ATXN1: variants seen among roughly 807,000 people sequenced by gnomAD.
The protein encoded by ATXN1 is ataxin 1.
ATXN1 carries 8 observed loss-of-function variants against 56.4 expected under a neutral mutation model. The ratio of observed to expected loss-of-function variants is 0.14; its 90% CI spans 0.08 to 0.26. ATXN1 has a LOEUF of 0.26. ATXN1 is among the 10% of genes least tolerant of loss of function. The pLI is 1.00. For missense variants in ATXN1, 987 were observed against 1,106.5 expected, an observed-to-expected ratio of 0.89 and a Z score of 1.53; for synonymous variants, 514 against 494.6, an observed-to-expected ratio of 1.04 and a Z score of -0.52.
chr6:16,610,566 C>G (rs1763086416), intron 3 of ATXN1, among the ~76,000 whole-genome samples: 1 of 151,944 alleles, frequency 6.6e-6, no homozygotes, highest in Non-Finnish European at 1.5e-5. Context: ...AACTTTCCTA[C>G]TAAGGTATGA....
chr6:16,675,190 G>A (rs1406049117), intron 2 of ATXN1, among the ~76,000 whole-genome samples: 2 of 152,130 alleles, frequency 1.3e-5, no homozygotes, highest in South Asian at 4.1e-4. Flanking sequence ...ACACACCCCT[G>A]GCAACTGAAA....
intron 7 of ATXN1, among the ~76,000 whole-genome samples, chr6:16,308,245 G>C (rs1303227531): frequency 1.3e-5 from 2 of 151,928 alleles, no homozygotes; most frequent in African/African-American, 4.8e-5. Flanking sequence ...AGAATCGCTT[G>C]AACCCGGGAG....
intron 6 of ATXN1, among the ~76,000 whole-genome samples, chr6:16,437,944 T>C (rs558117607): frequency 1.3e-4 from 20 of 152,312 alleles, no homozygotes; most frequent in African/African-American, 3.9e-4. Context: ...AGCAGCATCA[T>C]GCAATAGAAA....
chr6:16,734,854 G>A (rs1760076456), intron 2 of ATXN1, among the ~76,000 whole-genome samples: 1 of 152,132 alleles, frequency 6.6e-6, no homozygotes, highest in African/African-American at 2.4e-5. Flanking sequence ...GGAAGAATGT[G>A]ACAAGATTGG....
At chr6:16,323,809 T>C (rs752799379) in intron 7 of ATXN1, among the ~76,000 whole-genome samples, 72 of 152,230 alleles carry the variant, frequency 4.7e-4, no homozygotes, top group Non-Finnish European at 1.5e-4. Flanking sequence ...GAGTCAACTT[T>C]GCTCAAGGTA....
chr6:16,741,599 G>A (rs145516319), intron 2 of ATXN1, among the ~76,000 whole-genome samples: 445 of 152,308 alleles, frequency 2.9e-3, no homozygotes, highest in African/African-American at 0.01. Context: ...CAGCAGGACA[G>A]CCAACAGCTG....
intron 5 of ATXN1, among the ~76,000 whole-genome samples, chr6:16,492,351 C>A (rs1003158518): frequency 3.3e-5 from 5 of 151,754 alleles, no homozygotes; most frequent in African/African-American, 1.2e-4. Flanking sequence ...GTGCAGCACA[C>A]CAGCATGGCA....
At chr6:16,322,704 A>G (rs1006283280) in intron 7 of ATXN1, among the ~76,000 whole-genome samples, 2 of 152,166 alleles carry the variant, frequency 1.3e-5, no homozygotes, top group African/African-American at 4.8e-5. Context: ...TGGAACCTCA[A>G]TTAAGTCCAG....
intron 6 of ATXN1, among the ~76,000 whole-genome samples, chr6:16,429,356 T>G (rs1421128090): frequency 7.4e-6 from 1 of 136,048 alleles, no homozygotes; most frequent in Non-Finnish European, 1.6e-5. Flanking sequence ...GATAACAGGA[T>G]GTTTGGAGTC....
rs769091061 is a variant in ATXN1, at chr6:16,327,633, G to GTGGTGCTGC, written c.677_678insGCAGCACCA (p.Gln225_His226insGlnGlnHis). 2.3e-4 allele frequency: 336 copies of GTGGTGCTGC among 1,451,684 alleles called. No homozygotes were observed. The African/African-American group carries it at 3.9e-3, about 17-fold the overall frequency. The allele number at this position is 1,451,684 out of a possible 1,614,324, so 89.9% of individuals were successfully genotyped here. On this transcript the variant is annotated inframe_insertion, in exon 7 of 8. Coordinates refer to ENST00000436367, the MANE Select transcript of ATXN1 (RefSeq NM_001128164.2). Reference sequence around the variant, plus strand: ...TGATGAGCCCCGGAGCCCTGCTGAGGTGCTGCTGCTGCTGCTGCTGCTGCT... The same window carrying GTGGTGCTGC: ...TGATGAGCCCCGGAGCCCTGCTGAGGTGGTGCTGCTGCTGCTGCTGCTGCTGCTGCTGCT...
At position 16,696,538 on chromosome 6, in the gene ATXN1, T is replaced by C. The variant is rs941041018; in HGVS notation, c.-614-38637A>G. On this transcript the variant is annotated intron_variant, in intron 2 of 7. Transcript: ENST00000436367. ...CCCTTTCTAACAATGTCAGCATTAA[T>C]GCATTTAAATAATATTCTGAGTAAA... is the stretch of plus-strand genomic sequence containing the variant. Among the ~76,000 whole-genome samples, 6 of 152,196 alleles carry C rather than the reference T, an allele frequency of 3.9e-5. No homozygotes were observed. In the East Asian group the frequency reaches 7.7e-4, roughly 20 times the overall value.
rs1561764485 is a variant in ATXN1 at position 16,579,487 on chromosome 6, C to CG, written c.-361+6292_-361+6293insC. On this transcript the variant is annotated intron_variant, in intron 4 of 7. Coordinates refer to ENST00000436367, the MANE Select transcript of ATXN1 (RefSeq NM_001128164.2). ...CTGAGTACCTTGGTCAAAGCCCCCC[C>CG]CCCCCACCCGCCGATTCATTCCCAA... is the stretch of plus-strand genomic sequence containing the variant. 8.3e-5 allele frequency among the ~76,000 whole-genome samples: 3 copies of CG among 36,234 alleles called. 1 individual carries two copies. The highest frequency in any genetic ancestry group is 2.1e-4 in the Non-Finnish European group (3 of 14,430). The allele number at this position is 36,234 out of a possible 152,430, so 23.8% of individuals were successfully genotyped here.
chr6:16,682,335 T>C (rs1758831970), intron 2 of ATXN1, among the ~76,000 whole-genome samples: 1 of 151,636 alleles, frequency 6.6e-6, no homozygotes, highest in Non-Finnish European at 1.5e-5. Context: ...TAGCTGGGAT[T>C]ACAGGTGTGC....
chr6:16,484,257 A>G (rs1393223760), intron 6 of ATXN1, among the ~76,000 whole-genome samples: 1 of 151,972 alleles, frequency 6.6e-6, no homozygotes, highest in African/African-American at 2.4e-5. Context: ...ACATGGTGAA[A>G]CTCTGTCTCT....
intron 6 of ATXN1, among the ~76,000 whole-genome samples, chr6:16,332,044 T>C (rs959577109): frequency 1.3e-5 from 2 of 152,364 alleles, no homozygotes; most frequent in East Asian, 1.9e-4. Flanking sequence ...TTTCCAGAGA[T>C]TGCCAATGAG....
chr6:16,399,586 C>T (rs952909441), intron 6 of ATXN1, among the ~76,000 whole-genome samples: 1 of 152,260 alleles, frequency 6.6e-6, no homozygotes, highest in East Asian at 1.9e-4. Flanking sequence ...TGGCAGCAAG[C>T]GGGGAGGGAA....
chr6:16,665,839 C>T (rs1758412914), intron 2 of ATXN1, among the ~76,000 whole-genome samples: 1 of 152,230 alleles, frequency 6.6e-6, no homozygotes, highest in Non-Finnish European at 1.5e-5. Flanking sequence ...GAGAAGTGTG[C>T]ATTTTTAATT....
chr6:16,640,238 G>A (rs777711276), intron 3 of ATXN1, among the ~76,000 whole-genome samples: 4 of 152,140 alleles, frequency 2.6e-5, no homozygotes, highest in African/African-American at 4.8e-5. Context: ...GCTCTTTGAC[G>A]TTACTATTAT....
At chr6:16,572,686 C>G (rs1198879627) in intron 4 of ATXN1, among the ~76,000 whole-genome samples, 2 of 152,214 alleles carry the variant, frequency 1.3e-5, no homozygotes, top group Non-Finnish European at 2.9e-5. Flanking sequence ...AAGAACACAG[C>G]AAAGCCAGCC....
Sources: gnomAD v4.1 joint callset for allele counts (sites outside exome capture counted in the v4.1 genomes callset) on GRCh38, gnomAD v4.1.1 for gene constraint, MANE v1.5 for transcripts, NCBI Gene and HGNC (gene_info 2026-07-23, HGNC 2026-07-21) for gene names.